CLCN4: variants seen among roughly 807,000 people sequenced by gnomAD.
CLCN4 encodes the protein Cl-/H+ antiporter 4, also known as H(+)/Cl(-) exchange transporter 4.
A neutral mutation model predicts 41.7 loss-of-function variants in CLCN4; 1 was observed. The observed-to-expected ratio is 0.02, with a 90% CI of 0.01 to 0.11. The LOEUF is 0.11. Ranked by LOEUF, CLCN4 falls within the 10% of genes least tolerant of loss-of-function variation. The probability of loss-of-function intolerance (pLI) is 1.00; values close to 1 mark genes in which losing one functional copy is unlikely to be tolerated. For synonymous variants in CLCN4, 277 were observed against 285.8 expected (o/e 0.97, Z 0.31); for missense variants, 287 against 661.0 (o/e 0.43, Z 6.20).
At chrX:10,206,098 A>T (rs1469829708) in intron 6 of CLCN4, among the ~76,000 whole-genome samples, 1 of 112,154 alleles carries the variant, frequency 8.9e-6, no homozygotes, top group Non-Finnish European at 1.9e-5. Flanking sequence ...CCATAAATCA[A>T]GTGAGACCTT....
At chrX:10,205,533 C>T (rs1924363312) in intron 6 of CLCN4, among the ~76,000 whole-genome samples, 1 of 106,396 alleles carries the variant, frequency 9.4e-6, no homozygotes. Context: ...TGTTCTTGTA[C>T]CTGCTGTTTT....
At position 10,234,495 on chromosome X, in the gene CLCN4, G is replaced by A. The variant is rs965110334; in HGVS notation, c.*911G>A. The A allele has an allele frequency of 1.8e-5, 2 of 112,928 alleles. No individual in the cohort carries two copies. Among genetic ancestry groups the A allele is most frequent in the Non-Finnish European group, 3.7e-5 (2 of 53,352 alleles). 9.3% of individuals were successfully genotyped at this position (112,928 alleles called of 1,213,427 possible). ...TATGCCCCCAGCCTGCCATAAGCGT[G>A]CTTTCATTTTCAAGTAGCATATGCA... On this transcript the variant is annotated 3_prime_UTR_variant, in exon 13 of 13. Transcript: ENST00000380833.
intron 11 of CLCN4, 140 bp downstream of exon 11, chrX:10,214,219 G>GACAT (rs1170305430): frequency 6.2e-6 from 4 of 640,283 alleles, no homozygotes; most frequent in Non-Finnish European, 9.0e-6. Flanking sequence ...GGTCACCCAG[G>GACAT]GGTCTGGCTC....
Position 10,187,706 on chromosome X carries a change from G to A in CLCN4, c.244+92G>A, listed in dbSNP as rs753535611. 74 of 695,156 alleles carry A rather than the reference G, an allele frequency of 1.1e-4. 1 individual carries two copies. The highest frequency in any genetic ancestry group is 5.1e-4 in the South Asian group (21 of 41,348). The allele number at this position is 695,156 out of a possible 1,213,427, so 57.3% of individuals were successfully genotyped here. ...CTCTGGGAGATTTGGAATATAGCGC[G>A]TGTCGCTTGTCGCTTTTACCCCTGT... is the stretch of plus-strand genomic sequence containing the variant. On this transcript the variant is annotated intron_variant, in intron 4 of 12. Coordinates refer to ENST00000380833, the MANE Select transcript of CLCN4 (RefSeq NM_001830.4).
At chrX:10,215,719 A>C (rs1340637597) in intron 11 of CLCN4, among the ~76,000 whole-genome samples, 2 of 112,381 alleles carry the variant, frequency 1.8e-5, no homozygotes, top group Non-Finnish European at 3.8e-5. Context: ...GCTAAGAGGC[A>C]GCTTACTAAT....
At chrX:10,213,559 G>A in intron 10 of CLCN4, 122 bp from the exon 11 acceptor site, 2 of 652,801 alleles carry the variant, frequency 3.1e-6, no homozygotes, top group Non-Finnish European at 4.8e-6. Flanking sequence ...GAAGCATGTA[G>A]GAGAGTCTGC....
At chrX:10,216,679 T>C (rs1265092956) in intron 11 of CLCN4, among the ~76,000 whole-genome samples, 1 of 107,572 alleles carries the variant, frequency 9.3e-6, no homozygotes, top group East Asian at 3.0e-4. Flanking sequence ...AGAACCGCAA[T>C]TACTTTTGCA....
In CLCN4 at chrX:10,194,980, C is replaced by G. The variant is rs1060502510; in HGVS notation, c.314C>G (p.Ser105Cys). Residue 105 changes from serine (S) to cysteine (C), a missense_variant, in exon 5 of 13, where the codon TCT becomes TGT. Physicochemically the swap from Ser to Cys is moderately radical, Grantham distance 112 (BLOSUM62 -1). This residue lies in a region of CLCN4 where 90 missense variants were observed against 209.8 expected (regional missense o/e 0.43). Transcript: ENST00000380833. ...MTDLKEGVCL[S>C]AFWYSHEQCC... ...GACCTGAAGGAGGGGGTCTGCCTGT[C>G]TGCCTTCTGGTATAGCCATGAGCAG... 2.5e-6 allele frequency: 3 copies of G among 1,209,721 alleles called. No individual in the cohort carries two copies. The African/African-American group carries it at 5.3e-5, about 21-fold the overall frequency.
At chrX:10,179,242 G>T (rs763624021) in intron 2 of CLCN4, among the ~76,000 whole-genome samples, 1 of 111,446 alleles carries the variant, frequency 9.0e-6, no homozygotes, top group African/African-American at 3.3e-5. Context: ...GAGGGTGAAA[G>T]GGGCCGGTGC....
chrX:10,200,575 C>T lies in CLCN4; in HGVS notation c.555+2514C>T, dbSNP rs752350620. ...CTGGTGTCCTTATAGACAGGGAGTT[C>T]GAATATCAGTTCTATCTTTGAAGGG... On this transcript the variant is annotated intron_variant, in intron 6 of 12. Coordinates refer to ENST00000380833, the MANE Select transcript of CLCN4 (RefSeq NM_001830.4). Among the ~76,000 whole-genome samples, 4 of 112,199 alleles carry T rather than the reference C, an allele frequency of 3.6e-5. No individual in the cohort carries two copies. The South Asian group carries it at 1.1e-3, about 31-fold the overall frequency.
intron 2 of CLCN4, among the ~76,000 whole-genome samples, chrX:10,161,984 G>A (rs1223154768): frequency 1.9e-5 from 2 of 107,378 alleles, no homozygotes; most frequent in East Asian, 2.9e-4. Context: ...GAGCGGGCTC[G>A]GAGGCAGACC....
chrX:10,169,404 G>A (rs1170568420), intron 2 of CLCN4, among the ~76,000 whole-genome samples: 1 of 111,099 alleles, frequency 9.0e-6, no homozygotes, highest in Non-Finnish European at 1.9e-5. Flanking sequence ...ATTCTGTGTC[G>A]AATGCCTGTG....
chrX:10,214,073 G>T lies in CLCN4; in HGVS notation c.1969G>T (p.Ala657Ser), dbSNP rs776720563. Residue 657 changes from alanine to serine, a missense_variant, in exon 11 of 13, where the codon GCA (alanine) becomes TCA (serine). This residue lies in a region of CLCN4 where 71 missense variants were observed against 104.5 expected (regional missense o/e 0.68). Coordinates refer to ENST00000380833, the MANE Select transcript of CLCN4 (RefSeq NM_001830.4). ...TGCCCAGAGGAGGGAACTGATTCTC[G>T]CAATAAGTGAGTAAAGAGAGGGAAG... is the stretch of plus-strand genomic sequence containing the variant. ...GFAQRRELIL[A>S]IKNARQRQEG... 8.6e-7 allele frequency: 1 copy of T among 1,162,961 alleles called. No individual in the cohort carries two copies. Among genetic ancestry groups the T allele is most frequent in the Non-Finnish European group, 1.1e-6 (1 of 871,459 alleles).
intron 6 of CLCN4, among the ~76,000 whole-genome samples, chrX:10,202,017 T>G (rs1005306008): frequency 9.0e-6 from 1 of 111,142 alleles, no homozygotes; most frequent in African/African-American, 3.3e-5. Context: ...TTTTTTTATT[T>G]TATGTAATAA....
At chrX:10,227,078 G>A (rs1925008104) in intron 12 of CLCN4, among the ~76,000 whole-genome samples, 1 of 110,585 alleles carries the variant, frequency 9.0e-6, no homozygotes, top group South Asian at 3.8e-4. Flanking sequence ...ACCAAAACCT[G>A]GCAGAGATAC....
chrX:10,215,203 A>G (rs377317561), intron 11 of CLCN4, among the ~76,000 whole-genome samples: 9 of 111,976 alleles, frequency 8.0e-5, no homozygotes, highest in African/African-American at 2.9e-4. Context: ...CTGTTAATAC[A>G]TCTCCACCAG....
chrX:10,165,785 G>T (rs1045906373), intron 2 of CLCN4, among the ~76,000 whole-genome samples: 1 of 112,135 alleles, frequency 8.9e-6, no homozygotes, highest in African/African-American at 3.2e-5. Flanking sequence ...CCGAGAGATT[G>T]TTCCTCTTAG....
At chrX:10,187,706 G>C in intron 4 of CLCN4, 92 bp downstream of exon 4, 1 of 696,763 alleles carries the variant, frequency 1.4e-6, no homozygotes, top group South Asian at 2.4e-5. Flanking sequence ...AATATAGCGC[G>C]TGTCGCTTGT....
intron 2 of CLCN4, among the ~76,000 whole-genome samples, chrX:10,177,192 G>T (rs1923556661): frequency 8.9e-6 from 1 of 112,769 alleles, no homozygotes; most frequent in Non-Finnish European, 1.9e-5. Context: ...CGCGAATAAA[G>T]TTTTATTGAA....
Sources: allele counts gnomAD v4.1 joint callset (sites outside exome capture counted in the v4.1 genomes callset), GRCh38; gene constraint gnomAD v4.1.1; regional missense constraint gnomAD v4.1.1; transcripts MANE v1.5; gene names NCBI Gene and HGNC (gene_info 2026-07-23, HGNC 2026-07-21).